Variants in PTH2R observed in about 807,000 individuals in gnomAD.
PTH2R encodes the protein parathyroid hormone 2 receptor.
PTH2R carries 59 observed loss-of-function variants against 60.3 expected under a neutral mutation model. The ratio of observed to expected loss-of-function variants is 0.98; its 90% CI spans 0.79 to 1.22. The LOEUF (loss-of-function observed/expected upper bound fraction) is 1.22. Among genes scored for constraint, PTH2R ranks in the 50% most tolerant of loss-of-function variants. The probability of loss-of-function intolerance (pLI) is 0.00; values close to 1 mark genes in which losing one functional copy is unlikely to be tolerated. For missense variants in PTH2R, 749 were observed against 682.6 expected (o/e 1.10, Z -1.08); for synonymous variants, 256 against 243.8 (o/e 1.05, Z -0.47).
intron 9 of PTH2R, among the ~76,000 whole-genome samples, chr2:208,474,937 G>A (rs1702966681): frequency 6.6e-6 from 1 of 152,192 alleles, no homozygotes; most frequent in Non-Finnish European, 1.5e-5. Context: ...GAATTAAAGA[G>A]TTTTATTAAA....
At chr2:208,395,439 T>G (rs972294046) in intron 1 of PTH2R, among the ~76,000 whole-genome samples, 10 of 152,068 alleles carry the variant, frequency 6.6e-5, no homozygotes, top group Admixed American at 1.3e-4. Flanking sequence ...CACTAGGTGG[T>G]GGTGTTGGCT....
At chr2:208,360,667 C>T (rs926512947) in intron 1 of PTH2R, 1 of 152,984 alleles carries the variant, frequency 6.5e-6, no homozygotes, top group African/African-American at 2.4e-5. Flanking sequence ...CTGCTGCCAC[C>T]AGGCTGCCTT....
At chr2:208,445,043 A>G (rs1243143078) in intron 7 of PTH2R, among the ~76,000 whole-genome samples, 156 bp downstream of exon 7, 4 of 152,212 alleles carry the variant, frequency 2.6e-5, no homozygotes, top group Admixed American at 6.5e-5. Context: ...CTTAGACAAA[A>G]ATAATTAAGA....
At chr2:208,412,628 A>T (rs532427731) in intron 1 of PTH2R, among the ~76,000 whole-genome samples, 2 of 152,334 alleles carry the variant, frequency 1.3e-5, no homozygotes, top group South Asian at 4.1e-4. Flanking sequence ...GGGAGATAGG[A>T]CACCTGGCTG....
intron 2 of PTH2R, among the ~76,000 whole-genome samples, chr2:208,430,820 C>T (rs1182044923): frequency 2.0e-5 from 3 of 152,140 alleles, no homozygotes; most frequent in Admixed American, 6.5e-5. Context: ...CTGCCTCTGC[C>T]TCCCAAAGTG....
intron 1 of PTH2R, among the ~76,000 whole-genome samples, chr2:208,387,563 A>C (rs909027517): frequency 3.9e-5 from 6 of 152,228 alleles, no homozygotes; most frequent in African/African-American, 1.4e-4. Context: ...TCAGAAAAAA[A>C]GAGCCATTTA....
In PTH2R at chr2:208,418,604, T is replaced by A. The variant is rs575063751; in HGVS notation, c.76-9597T>A. On this transcript the variant is annotated intron_variant, in intron 1 of 12. Coordinates refer to ENST00000272847, the MANE Select transcript of PTH2R (RefSeq NM_005048.4). ...ACTTTGAAAAAAGGTACTTAGAAAATATTATCATAAAAATTATACTAAATG... is the reference window on the plus strand; with the variant it reads ...ACTTTGAAAAAAGGTACTTAGAAAAAATTATCATAAAAATTATACTAAATG... Among the ~76,000 whole-genome samples, 4 of 152,122 alleles carry A rather than the reference T, an allele frequency of 2.6e-5. No homozygotes were observed. In the East Asian group the frequency reaches 7.7e-4, roughly 29 times the overall value.
chr2:208,464,148 T>G (rs771371024), intron 9 of PTH2R, among the ~76,000 whole-genome samples: 2 of 152,258 alleles, frequency 1.3e-5, no homozygotes, highest in Non-Finnish European at 2.9e-5. Flanking sequence ...GAAAAAGTTA[T>G]TAAGCTCTCA....
intron 11 of PTH2R, among the ~76,000 whole-genome samples, chr2:208,490,221 G>T (rs1703372327): frequency 6.6e-6 from 1 of 152,040 alleles, no homozygotes; most frequent in South Asian, 2.1e-4. Context: ...CATAAGCTCA[G>T]TAAATATTTT....
At position 208,443,530 on chromosome 2, in the gene PTH2R, C is replaced by A. The variant is rs1412947622; in HGVS notation, c.692C>A (p.Ser231Ter). ...NSIEATSVDK[S>*]QYIGCKIAVV... is the part of the protein sequence containing the mutation. ...ATTGAGGCAACTTCTGTGGACAAAT[C>A]ACAATATGTAAGTGTTTTCACCATT... The change falls in exon 6 of 13, where the codon TCA becomes TAA. Residue 231 changes from serine (S) to a stop codon, truncating the protein, a stop_gained. Transcript: ENST00000272847. LOFTEE classifies it high-confidence loss of function. The A allele has an allele frequency of 6.2e-7, 1 of 1,603,248 alleles. No individual in the cohort carries two copies.
chr2:208,362,113 A>G (rs1700485823), intron 1 of PTH2R, among the ~76,000 whole-genome samples: 1 of 152,220 alleles, frequency 6.6e-6, no homozygotes, highest in Non-Finnish European at 1.5e-5. Flanking sequence ...ATCAGACATC[A>G]GAGCTTCTGG....
intron 10 of PTH2R, 86 bp downstream of exon 10, chr2:208,481,250 G>A (rs1031351961): frequency 5.6e-5 from 49 of 873,474 alleles, no homozygotes; most frequent in African/African-American, 3.5e-4. Flanking sequence ...ACAGGGTCTC[G>A]CTCTGTTGCC....
intron 12 of PTH2R, among the ~76,000 whole-genome samples, chr2:208,492,777 C>T (rs938095811): frequency 2.6e-5 from 4 of 152,136 alleles, no homozygotes; most frequent in Non-Finnish European, 5.9e-5. Flanking sequence ...ACTGAGCTTT[C>T]TCAGGCAGGC....
intron 9 of PTH2R, 109 bp from the exon 10 acceptor site, chr2:208,480,961 A>T: frequency 1.3e-6 from 1 of 758,088 alleles, no homozygotes; most frequent in Non-Finnish European, 2.2e-6. Context: ...CACATTTATG[A>T]AATGGGCAAT....
intron 9 of PTH2R, among the ~76,000 whole-genome samples, chr2:208,460,569 A>T (rs1702614351): frequency 6.6e-6 from 1 of 152,172 alleles, no homozygotes; most frequent in Non-Finnish European, 1.5e-5. Flanking sequence ...TGCATGTTGC[A>T]CTGGACCTTA....
At chr2:208,460,738 C>T (rs1212621096) in intron 9 of PTH2R, among the ~76,000 whole-genome samples, 1 of 152,138 alleles carries the variant, frequency 6.6e-6, no homozygotes, top group Non-Finnish European at 1.5e-5. Flanking sequence ...GAAGAAATTA[C>T]ACCACCTTGT....
At chr2:208,443,700 C>T (rs1702233454) in intron 6 of PTH2R, among the ~76,000 whole-genome samples, 163 bp downstream of exon 6, 1 of 152,100 alleles carries the variant, frequency 6.6e-6, no homozygotes, top group Admixed American at 6.5e-5. Flanking sequence ...CAATTCTGTC[C>T]TTTCATGTCT....
chr2:208,389,927 C>T (rs1701075578), intron 1 of PTH2R, among the ~76,000 whole-genome samples: 1 of 151,906 alleles, frequency 6.6e-6, no homozygotes, highest in African/African-American at 2.4e-5. Context: ...TATTAGCAAA[C>T]GTTATAGAAG....
chr2:208,367,780 A>T (rs563000113), intron 1 of PTH2R, among the ~76,000 whole-genome samples: 2 of 152,282 alleles, frequency 1.3e-5, no homozygotes, highest in South Asian at 4.1e-4. Flanking sequence ...TATGACAATC[A>T]CTCAAGGTTC....
Sources: gnomAD v4.1 joint callset for allele counts (sites outside exome capture counted in the v4.1 genomes callset) on GRCh38, gnomAD v4.1.1 for gene constraint, MANE v1.5 for transcripts, NCBI Gene and HGNC (gene_info 2026-07-23, HGNC 2026-07-21) for gene names.